The following UBE2H variants were observed in gnomAD, a reference collection of about 807,000 sequenced individuals.
The protein encoded by UBE2H is ubiquitin-conjugating enzyme E2 H.
UBE2H carries 3 observed loss-of-function variants against 29.0 expected under a neutral mutation model. The observed-to-expected ratio is 0.10, with a 90% CI of 0.05 to 0.27. The LOEUF is 0.27. UBE2H is among the 10% of genes least tolerant of loss of function. UBE2H has a pLI of 1.00. For synonymous variants in UBE2H, 69 were observed against 82.9 expected, an observed-to-expected ratio of 0.83 and a Z score of 0.91; for missense variants, 68 against 228.2, an observed-to-expected ratio of 0.30 and a Z score of 4.52.
intron 3 of UBE2H, among the ~76,000 whole-genome samples, chr7:129,860,106 G>A (rs1054499976): frequency 6.6e-6 from 1 of 152,218 alleles, no homozygotes; most frequent in African/African-American, 2.4e-5. Flanking sequence ...AAATGGCACT[G>A]GAGGAGGAGC....
chr7:129,902,929 G>T (rs1223370068), intron 1 of UBE2H, among the ~76,000 whole-genome samples: 3 of 152,154 alleles, frequency 2.0e-5, no homozygotes, highest in Non-Finnish European at 2.9e-5. Context: ...ACCCTATCAT[G>T]CAAGTATTGT....
intron 1 of UBE2H, among the ~76,000 whole-genome samples, chr7:129,899,781 T>C (rs1164491818): frequency 6.6e-6 from 1 of 150,550 alleles, no homozygotes; most frequent in African/African-American, 2.5e-5. Flanking sequence ...CAACAAGGAG[T>C]AGTATTTTAC....
At position 129,952,668 on chromosome 7, in the gene UBE2H, G is replaced by C; in HGVS notation, c.-113C>G. On this transcript the variant is annotated 5_prime_UTR_variant, in exon 1 of 7. Transcript: ENST00000355621. The stretch of plus-strand genomic sequence containing the variant: ...CCTCGGTGGAGGTGGCAACACCCCC[G>C]CGGTCCCGGCGGTCCCGTCAGCCGC... 8.4e-7 allele frequency: 1 copy of C among 1,193,972 alleles called. No individual in the cohort carries two copies. The highest frequency in any genetic ancestry group is 1.1e-6 in the Non-Finnish European group (1 of 901,100). The allele number at this position is 1,193,972 out of a possible 1,614,324, so 74.0% of individuals were successfully genotyped here.
rs1404898666 is a variant in UBE2H at position 129,893,246 on chromosome 7, T to C, written c.54-12275A>G. Among the ~76,000 whole-genome samples the C allele has an allele frequency of 2.6e-5, 4 of 152,286 alleles. No homozygotes were observed. The East Asian group carries it at 7.7e-4, about 29-fold the overall frequency. On this transcript the variant is annotated intron_variant, in intron 1 of 6. Coordinates refer to ENST00000355621, the MANE Select transcript of UBE2H (RefSeq NM_003344.4). The stretch of plus-strand genomic sequence containing the variant: ...TTATGCTTCATTTAGAGTTTCTATG[T>C]CACAAGCCAAACATAGGCAAAAACC...
At chr7:129,949,644 A>G (rs1807833858) in intron 1 of UBE2H, among the ~76,000 whole-genome samples, 1 of 152,188 alleles carries the variant, frequency 6.6e-6, no homozygotes, top group African/African-American at 2.4e-5. Flanking sequence ...CCCGTCACAA[A>G]AGAAATATCA....
chr7:129,944,354 T>TCAAAA (rs77887526), intron 1 of UBE2H, among the ~76,000 whole-genome samples: 64 of 152,096 alleles, frequency 4.2e-4, no homozygotes, highest in South Asian at 4.1e-4. Context: ...AGACTCCGTC[T>TCAAAA]CAAAACAAAA....
At chr7:129,879,774 A>ATTGATTGTAGTAGGTC in intron 2 of UBE2H, 132 bp from the exon 3 acceptor site, 1 of 737,916 alleles carries the variant, frequency 1.4e-6, no homozygotes, top group Non-Finnish European at 2.2e-6. Flanking sequence ...TCAGGGACCT[A>ATTGATTGTAGTAGGTC]CTACAATCAA....
intron 1 of UBE2H, among the ~76,000 whole-genome samples, chr7:129,887,346 C>T (rs190526713): frequency 6.2e-4 from 94 of 151,750 alleles, no homozygotes; most frequent in African/African-American, 2.0e-3. Context: ...CTCAGTCTCC[C>T]GAGTAGCTGG....
intron 1 of UBE2H, among the ~76,000 whole-genome samples, chr7:129,927,847 T>G (rs1339984679): frequency 6.6e-6 from 1 of 151,848 alleles, no homozygotes; most frequent in Non-Finnish European, 1.5e-5. Flanking sequence ...AATACCAAAT[T>G]ACAGATAGAT....
intron 1 of UBE2H, among the ~76,000 whole-genome samples, chr7:129,912,154 A>T (rs559876481): frequency 6.6e-6 from 1 of 152,292 alleles, no homozygotes; most frequent in South Asian, 2.1e-4. Context: ...TTACTGGAAC[A>T]CGCCATGCCC....
intron 3 of UBE2H, among the ~76,000 whole-genome samples, chr7:129,868,437 A>G (rs62491499): frequency 0.18 from 26,907 of 148,208 alleles, 2,767 homozygotes; most frequent in African/African-American, 0.28. Flanking sequence ...AAAATTAGCC[A>G]GGCGCGGTGG....
At chr7:129,889,050 A>G (rs1806421872) in intron 1 of UBE2H, among the ~76,000 whole-genome samples, 1 of 152,224 alleles carries the variant, frequency 6.6e-6, no homozygotes, top group African/African-American at 2.4e-5. Flanking sequence ...TGATTCAGGA[A>G]ACTGAGAACA....
intron 1 of UBE2H, among the ~76,000 whole-genome samples, chr7:129,905,499 G>A (rs1806797576): frequency 6.6e-6 from 1 of 152,154 alleles, no homozygotes; most frequent in South Asian, 2.1e-4. Context: ...TCAGACTTAT[G>A]AGCTTGGTTC....
chr7:129,848,795 G>A (rs548416214), intron 5 of UBE2H, among the ~76,000 whole-genome samples: 28 of 151,066 alleles, frequency 1.9e-4, no homozygotes, highest in Admixed American at 1.4e-3. Flanking sequence ...TATTTTTGGT[G>A]GTGGTGGTGG....
At chr7:129,943,816 C>T (rs1208478941) in intron 1 of UBE2H, among the ~76,000 whole-genome samples, 2 of 151,736 alleles carry the variant, frequency 1.3e-5, no homozygotes, top group Non-Finnish European at 2.9e-5. Flanking sequence ...GCAGGAGAAT[C>T]GCTTGAACTC....
intron 1 of UBE2H, among the ~76,000 whole-genome samples, chr7:129,901,642 C>G (rs1584775518): frequency 6.6e-6 from 1 of 152,122 alleles, no homozygotes; most frequent in South Asian, 2.1e-4. Flanking sequence ...CTTACCCAGG[C>G]TGGAGTGCAA....
At position 129,867,731 on chromosome 7, in the gene UBE2H, A is replaced by C. The variant is rs1331639076; in HGVS notation, c.206-8790T>G. On this transcript the variant is annotated intron_variant, in intron 3 of 6. Transcript: ENST00000355621. Reference sequence around the variant, plus strand: ...AAAAAAAAAAAAGAAAACCAAAAAAAAAAAAAAAAAAGAAGACCATCCTTT... The same window carrying C: ...AAAAAAAAAAAAGAAAACCAAAAAACAAAAAAAAAAAGAAGACCATCCTTT... Among the ~76,000 whole-genome samples, 112 of 133,496 alleles carry C rather than the reference A, an allele frequency of 8.4e-4. 1 individual carries two copies. In the East Asian group the frequency reaches 0.019, roughly 23 times the overall value. 87.6% of individuals were successfully genotyped at this position (133,496 alleles called of 152,430 possible). A position where few individuals can be genotyped will look rare whatever the true frequency, so the allele number is the denominator to read the frequency against.
intron 1 of UBE2H, among the ~76,000 whole-genome samples, chr7:129,909,192 CT>C (rs1806879585): frequency 6.6e-6 from 1 of 152,106 alleles, no homozygotes; most frequent in Admixed American, 6.6e-5. Context: ...TCATAAAGAA[CT>C]ATGTAATATA....
chr7:129,878,682 C>CAAAAAA (rs772936668), intron 3 of UBE2H, among the ~76,000 whole-genome samples: 3 of 75,058 alleles, frequency 4.0e-5, no homozygotes, highest in Non-Finnish European at 6.9e-5. Context: ...GACTCCGTCT[C>CAAAAAA]AAAAAAAAAA....
Sources: gnomAD v4.1 joint callset for allele counts (sites outside exome capture counted in the v4.1 genomes callset) on GRCh38, gnomAD v4.1.1 for gene constraint, MANE v1.5 for transcripts, NCBI Gene and HGNC (gene_info 2026-07-23, HGNC 2026-07-21) for gene names.